The following ADAM29 variants were observed in gnomAD, a reference collection of about 807,000 sequenced individuals.
The protein encoded by ADAM29 is ADAM metallopeptidase domain 29.
For missense variants in ADAM29, 969 were observed against 1,001.8 expected (o/e 0.97, Z 0.44); for synonymous variants, 367 against 342.3 (o/e 1.07, Z -0.80).
chr4:174,960,933 A>G (rs1203482719), intron 4 of ADAM29, among the ~76,000 whole-genome samples: 1 of 152,178 alleles, frequency 6.6e-6, no homozygotes, highest in Non-Finnish European at 1.5e-5. Context: ...AGTCAGTGTG[A>G]TAAGAACTGT....
chr4:174,978,071 G>A lies in ADAM29; in HGVS notation c.*83G>A. 1.3e-6 allele frequency: 2 copies of A among 1,575,414 alleles called. No individual in the cohort carries two copies. Among genetic ancestry groups the A allele is most frequent in the Non-Finnish European group, 1.7e-6 (2 of 1,156,938 alleles). ...CAACCTCGGGTGACACCCTCCCAGA[G>A]TCAACCTCATGTGACACCTTACCGG... On this transcript the variant is annotated 3_prime_UTR_variant, in exon 5 of 5. Coordinates refer to ENST00000359240, the MANE Select transcript of ADAM29 (RefSeq NM_014269.4).
At chr4:174,949,901 T>C (rs1048435224) in intron 4 of ADAM29, among the ~76,000 whole-genome samples, 9 of 152,132 alleles carry the variant, frequency 5.9e-5, no homozygotes, top group African/African-American at 2.2e-4. Context: ...ACTCCCCATA[T>C]TTGTTAAAAT....
At chr4:174,938,367 T>C (rs1410497455) in intron 4 of ADAM29, among the ~76,000 whole-genome samples, 1 of 152,088 alleles carries the variant, frequency 6.6e-6, no homozygotes, top group Non-Finnish European at 1.5e-5. Context: ...CCAGTAATGC[T>C]ACCCTAAACC....
At chr4:174,945,647 T>C (rs1744803858) in intron 4 of ADAM29, among the ~76,000 whole-genome samples, 1 of 152,188 alleles carries the variant, frequency 6.6e-6, no homozygotes, top group Non-Finnish European at 1.5e-5. Flanking sequence ...AAGTAATTAG[T>C]TTATCTCGAG....
At chr4:174,946,695 G>A (rs1335016539) in intron 4 of ADAM29, among the ~76,000 whole-genome samples, 3 of 152,052 alleles carry the variant, frequency 2.0e-5, no homozygotes, top group Non-Finnish European at 4.4e-5. Flanking sequence ...AAGGATATTG[G>A]CCTGAAGTTT....
chr4:174,953,967 C>G (rs1459747190), intron 4 of ADAM29, among the ~76,000 whole-genome samples: 1 of 152,198 alleles, frequency 6.6e-6, no homozygotes, highest in Admixed American at 6.5e-5. Context: ...CTGCCTCGGC[C>G]TCCCAAAGTG....
At chr4:174,927,293 A>G (rs1743575932) in intron 2 of ADAM29, among the ~76,000 whole-genome samples, 3 of 152,242 alleles carry the variant, frequency 2.0e-5, no homozygotes, top group Non-Finnish European at 4.4e-5. Flanking sequence ...CAATATTTAT[A>G]GTAGCTTACA....
At chr4:174,922,462 T>C (rs987664473) in intron 2 of ADAM29, among the ~76,000 whole-genome samples, 1 of 152,152 alleles carries the variant, frequency 6.6e-6, no homozygotes, top group Non-Finnish European at 1.5e-5. Context: ...AAACTGGTAG[T>C]AACATTTATA....
At chr4:174,952,056 G>A (rs1252493657) in intron 4 of ADAM29, among the ~76,000 whole-genome samples, 1 of 152,108 alleles carries the variant, frequency 6.6e-6, no homozygotes, top group African/African-American at 2.4e-5. Context: ...GTGAGGTAAT[G>A]CATATGCTAA....
intron 4 of ADAM29, among the ~76,000 whole-genome samples, chr4:174,968,190 C>T (rs1251791650): frequency 1.3e-5 from 2 of 152,034 alleles, no homozygotes; most frequent in East Asian, 3.9e-4. Context: ...AATATACATA[C>T]AATGAATTAC....
At chr4:174,973,252 T>G (rs1362734850) in intron 4 of ADAM29, among the ~76,000 whole-genome samples, 1 of 152,130 alleles carries the variant, frequency 6.6e-6, no homozygotes, top group Non-Finnish European at 1.5e-5. Context: ...TAAAGCCCCT[T>G]TAAAAATTTT....
rs369593631 is a variant in ADAM29, at chr4:174,978,016, A to G, written c.*28A>G. On this transcript the variant is annotated 3_prime_UTR_variant, in exon 5 of 5. Coordinates refer to ENST00000359240, the MANE Select transcript of ADAM29 (RefSeq NM_014269.4). Reference sequence around the variant, plus strand: ...CCAACCTCAGTTGATGCCTTCCCAGAGTCAACCTCCTGTGACGCCCTCCCA... The same window carrying G: ...CCAACCTCAGTTGATGCCTTCCCAGGGTCAACCTCCTGTGACGCCCTCCCA... The G allele has an allele frequency of 1.9e-5, 31 of 1,603,568 alleles. No homozygotes were observed. The African/African-American group carries it at 3.2e-4, about 17-fold the overall frequency.
At chr4:174,933,340 G>C (rs1428593314) in intron 3 of ADAM29, among the ~76,000 whole-genome samples, 1 of 152,084 alleles carries the variant, frequency 6.6e-6, no homozygotes, top group African/African-American at 2.4e-5. Context: ...GTGTAAATTT[G>C]AAGTGACAAA....
rs1746972550 is a variant in ADAM29, at chr4:174,977,849, C to G, written c.2324C>G (p.Ser775Cys). The change falls in exon 5 of 5, where the codon TCT becomes TGT. Residue 775 changes from serine (S) to cysteine (C), a missense_variant. Ser to Cys is a moderately radical substitution (Grantham distance 112). Transcript: ENST00000359240. ...CAGAGTCAACCTCGGGTGATGCCTT[C>G]TCAGAGTCAACCTCCTGTGATGCCT... ...PSQSQPRVMP[S>C]QSQPPVMPSQ... 1 of 1,584,306 alleles carries G rather than the reference C, an allele frequency of 6.3e-7. No homozygotes were observed. Among genetic ancestry groups the G allele is most frequent in the Middle Eastern group, 1.7e-4 (1 of 5,918 alleles).
chr4:174,926,200 C>T (rs897082191), intron 2 of ADAM29, among the ~76,000 whole-genome samples: 49 of 152,058 alleles, frequency 3.2e-4, no homozygotes, highest in African/African-American at 1.2e-3. Context: ...TCCCAAACCA[C>T]TGTATGAGGT....
At chr4:174,958,497 T>C in intron 4 of ADAM29, among the ~76,000 whole-genome samples, 1 of 151,788 alleles carries the variant, frequency 6.6e-6, no homozygotes, top group East Asian at 1.9e-4. Context: ...TATACTATCT[T>C]CCTCCATCCT....
At chr4:174,955,408 T>A (rs1286266654) in intron 4 of ADAM29, among the ~76,000 whole-genome samples, 1 of 152,058 alleles carries the variant, frequency 6.6e-6, no homozygotes, top group Non-Finnish European at 1.5e-5. Flanking sequence ...TATAAGAGGG[T>A]ACTCTGACAC....
chr4:174,975,385 T>G lies in ADAM29; in HGVS notation c.-141T>G. On this transcript the variant is annotated 5_prime_UTR_variant, in exon 5 of 5. Coordinates refer to ENST00000359240, the MANE Select transcript of ADAM29 (RefSeq NM_014269.4). ...TGGTTCAACTCTGCCAAAAGATGGATCTTTAATGATTAGCACTACACACTG... is the reference window on the plus strand; with the variant it reads ...TGGTTCAACTCTGCCAAAAGATGGAGCTTTAATGATTAGCACTACACACTG... 1.5e-6 allele frequency: 1 copy of G among 651,466 alleles called. No homozygotes were observed. Among genetic ancestry groups the G allele is most frequent in the East Asian group, 3.0e-5 (1 of 33,778 alleles). 40.4% of individuals were successfully genotyped at this position (651,466 alleles called of 1,614,324 possible). A position where few individuals can be genotyped will look rare whatever the true frequency, so the allele number is the denominator to read the frequency against.
chr4:174,938,666 C>T (rs1744334354), intron 4 of ADAM29, among the ~76,000 whole-genome samples: 1 of 152,080 alleles, frequency 6.6e-6, no homozygotes, highest in African/African-American at 2.4e-5. Context: ...ACAAGATGAT[C>T]ATGAGATCAT....
Sources: gnomAD v4.1 joint callset for allele counts (sites outside exome capture counted in the v4.1 genomes callset) on GRCh38, gnomAD v4.1.1 for gene constraint, MANE v1.5 for transcripts, NCBI Gene and HGNC (gene_info 2026-07-23, HGNC 2026-07-21) for gene names.